The following NT5C2 variants were observed in gnomAD, a reference collection of about 807,000 sequenced individuals.
NT5C2 encodes cytosolic purine 5'-nucleotidase.
Under a neutral mutation model 76.1 loss-of-function variants are expected in NT5C2, and 58 were observed. The observed-to-expected ratio is 0.76, with a 90% confidence interval of 0.62 to 0.95. The LOEUF (loss-of-function observed/expected upper bound fraction) is 0.95. Ranked by LOEUF, NT5C2 falls within the 40% of genes least tolerant of loss-of-function variation. The probability of loss-of-function intolerance (pLI) is 0.00; values close to 1 mark genes in which losing one functional copy is unlikely to be tolerated. For synonymous variants in NT5C2, 229 were observed against 237.4 expected, an observed-to-expected ratio of 0.96 and a Z score of 0.32; for missense variants, 478 against 690.3, an observed-to-expected ratio of 0.69 and a Z score of 3.45.
chr10:103,090,729 C>T lies in NT5C2; in HGVS notation c.1331G>A (p.Gly444Asp). 6.2e-7 allele frequency: 1 copy of T among 1,614,164 alleles called. No homozygotes were observed. ...ACTGGCAAAAAGGGTCTGCCGGGAGCCACTGCGAAACAGGCTTCCCATCAT... is the reference window on the plus strand; with the variant it reads ...ACTGGCAAAAAGGGTCTGCCGGGAGTCACTGCGAAACAGGCTTCCCATCAT... ...YGMMGSLFRSGSRQTLFASQV... is the reference protein window; with the variant it reads ...YGMMGSLFRSDSRQTLFASQV... Residue 444 changes from glycine (G) to aspartate (D), a missense_variant, in exon 18 of 19, where the codon GGC (glycine) becomes GAC (aspartate). Transcript: ENST00000404739.
intron 3 of NT5C2, among the ~76,000 whole-genome samples, chr10:103,167,606 TA>T (rs527600989): frequency 2.3e-4 from 34 of 147,816 alleles, no homozygotes; most frequent in African/African-American, 3.0e-4. Context: ...GTATGAGGTT[TA>T]AAAAAAAAAA....
intron 3 of NT5C2, chr10:103,146,178 C>T: frequency 1.0e-6 from 1 of 985,428 alleles, no homozygotes; most frequent in African/African-American, 1.7e-5. Flanking sequence ...TCAGGCCCCT[C>T]AAAAGCATGT....
chr10:103,163,956 C>T (rs1405288978), intron 3 of NT5C2, among the ~76,000 whole-genome samples: 1 of 150,424 alleles, frequency 6.6e-6, no homozygotes, highest in Non-Finnish European at 1.5e-5. Context: ...ACCTGGGAGG[C>T]AGCCAGGCAT....
At chr10:103,158,005 G>A (rs1228079959) in intron 3 of NT5C2, among the ~76,000 whole-genome samples, 1 of 151,914 alleles carries the variant, frequency 6.6e-6, no homozygotes, top group Non-Finnish European at 1.5e-5. Flanking sequence ...CCCGGGAGGT[G>A]GAGGATGCAG....
At chr10:103,117,619 C>T (rs1217457309) in intron 4 of NT5C2, among the ~76,000 whole-genome samples, 2 of 152,158 alleles carry the variant, frequency 1.3e-5, no homozygotes, top group East Asian at 3.8e-4. Context: ...TGTGCTGCAG[C>T]CTGGGTGACA....
intron 1 of NT5C2, among the ~76,000 whole-genome samples, chr10:103,192,796 CG>C (rs1486161066): frequency 6.6e-6 from 1 of 152,122 alleles, no homozygotes; most frequent in Admixed American, 6.5e-5. Context: ...CAGGGGTGGC[CG>C]GGAACAGCCT....
chr10:103,117,449 T>C (rs1236868731), intron 4 of NT5C2, among the ~76,000 whole-genome samples: 1 of 152,144 alleles, frequency 6.6e-6, no homozygotes, highest in Non-Finnish European at 1.5e-5. Context: ...CAGTTCAAGA[T>C]CCAACTGGGC....
At chr10:103,129,928 T>TG (rs570466131) in intron 4 of NT5C2, among the ~76,000 whole-genome samples, 17 of 55,604 alleles carry the variant, frequency 3.1e-4, no homozygotes, top group East Asian at 1.1e-3. Context: ...GGGAGGGAGG[T>TG]GGGGGGGGTC....
intron 3 of NT5C2, among the ~76,000 whole-genome samples, chr10:103,166,600 A>C (rs73353842): frequency 0.042 from 6,366 of 150,606 alleles, 466 homozygotes; most frequent in African/African-American, 0.14. Context: ...AAAGCATTAG[A>C]ATGATAAAAA....
At chr10:103,127,544 G>C (rs920141677) in intron 4 of NT5C2, among the ~76,000 whole-genome samples, 1 of 152,120 alleles carries the variant, frequency 6.6e-6, no homozygotes, top group Non-Finnish European at 1.5e-5. Context: ...CTTCATTGGG[G>C]AAATAAATGA....
intron 3 of NT5C2, among the ~76,000 whole-genome samples, chr10:103,139,707 C>T (rs904080032): frequency 6.6e-6 from 1 of 152,076 alleles, no homozygotes; most frequent in South Asian, 2.1e-4. Flanking sequence ...AATTAACATA[C>T]CCATTATCCC....
chr10:103,094,189 G>A, intron 13 of NT5C2, 151 bp from the exon 14 acceptor site: 1 of 552,696 alleles, frequency 1.8e-6, no homozygotes, highest in East Asian at 5.3e-5. Flanking sequence ...TAGTGGGTTT[G>A]TTTGACTGTT....
At chr10:103,140,408 G>A (rs549180009) in intron 3 of NT5C2, among the ~76,000 whole-genome samples, 1 of 152,202 alleles carries the variant, frequency 6.6e-6, no homozygotes, top group Admixed American at 6.5e-5. Flanking sequence ...TCCATTGTGT[G>A]TATATATACC....
At chr10:103,168,833 G>T (rs2087048952) in intron 3 of NT5C2, among the ~76,000 whole-genome samples, 1 of 152,162 alleles carries the variant, frequency 6.6e-6, no homozygotes, top group Admixed American at 6.5e-5. Flanking sequence ...CTTCTAAAGG[G>T]AAATTGTAAA....
At chr10:103,140,428 T>C (rs1488821920) in intron 3 of NT5C2, among the ~76,000 whole-genome samples, 2 of 152,232 alleles carry the variant, frequency 1.3e-5, no homozygotes, top group Non-Finnish European at 2.9e-5. Context: ...CACAATTTCT[T>C]TATCCATTCA....
chr10:103,128,113 C>A (rs927147834), intron 4 of NT5C2, among the ~76,000 whole-genome samples: 2 of 151,192 alleles, frequency 1.3e-5, no homozygotes, highest in Non-Finnish European at 3.0e-5. Context: ...CCACGGTCTC[C>A]CTCTCATGCG....
chr10:103,191,756 G>A (rs1272103798), intron 1 of NT5C2, among the ~76,000 whole-genome samples: 2 of 135,020 alleles, frequency 1.5e-5, no homozygotes, highest in African/African-American at 5.4e-5. Context: ...TTACAGATTT[G>A]TTGGTTACTA....
chr10:103,121,576 G>A (rs890891191), intron 4 of NT5C2, among the ~76,000 whole-genome samples: 10 of 152,150 alleles, frequency 6.6e-5, no homozygotes, highest in Non-Finnish European at 1.0e-4. Context: ...TACTATGTTC[G>A]AGAGGACAGG....
At chr10:103,122,890 C>A (rs571175165) in intron 4 of NT5C2, among the ~76,000 whole-genome samples, 353 of 152,306 alleles carry the variant, frequency 2.3e-3, no homozygotes, top group African/African-American at 7.4e-3. Context: ...CTATCCACTT[C>A]TTTATCAATC....
Sources: gnomAD v4.1 joint callset for allele counts (sites outside exome capture counted in the v4.1 genomes callset) on GRCh38, gnomAD v4.1.1 for gene constraint, MANE v1.5 for transcripts, NCBI Gene and HGNC (gene_info 2026-07-23, HGNC 2026-07-21) for gene names.